EPHB1: variants seen among roughly 807,000 people sequenced by gnomAD.
EPHB1 encodes the protein EPH receptor B1.
A neutral mutation model predicts 94.4 loss-of-function variants in EPHB1; 30 were observed. The observed-to-expected ratio is 0.32, with a 90% confidence interval of 0.24 to 0.43. The LOEUF (loss-of-function observed/expected upper bound fraction) is 0.43, where lower values mean the gene tolerates loss of function less well. Ranked by LOEUF, EPHB1 falls within the 20% of genes least tolerant of loss-of-function variation. The pLI is 1.00. For synonymous variants in EPHB1, 522 were observed against 489.1 expected (o/e 1.07, Z -0.89); for missense variants, 1,055 against 1,308.3 (o/e 0.81, Z 2.99).
At chr3:134,839,859 TA>T (rs1359709224) in intron 1 of EPHB1, among the ~76,000 whole-genome samples, 1 of 152,098 alleles carries the variant, frequency 6.6e-6, no homozygotes, top group African/African-American at 2.4e-5. Flanking sequence ...ACCATTTGTT[TA>T]ATAAACAAGT....
At chr3:135,144,144 A>C (rs891097997) in intron 5 of EPHB1, among the ~76,000 whole-genome samples, 5 of 152,096 alleles carry the variant, frequency 3.3e-5, no homozygotes, top group African/African-American at 1.2e-4. Context: ...GTGGGGAGGG[A>C]GCCCTACACT....
rs151250525 is a variant in EPHB1 at position 134,942,454 on chromosome 3, G to A, written c.124-8917G>A. Among the ~76,000 whole-genome samples the A allele has an allele frequency of 2.7e-4, 41 of 152,308 alleles. No homozygotes were observed. In the East Asian group the frequency reaches 6.8e-3, roughly 25 times the overall value. ...GGGGGTTAACCTCCTATGATGAGGAGCAAAACAAAACAAAATGGAGAGGGC... is the reference window on the plus strand; with the variant it reads ...GGGGGTTAACCTCCTATGATGAGGAACAAAACAAAACAAAATGGAGAGGGC... On this transcript the variant is annotated intron_variant, in intron 2 of 15. Transcript: ENST00000398015.
chr3:134,998,298 C>T (rs1321614240), intron 3 of EPHB1, among the ~76,000 whole-genome samples: 3 of 152,208 alleles, frequency 2.0e-5, no homozygotes, highest in Non-Finnish European at 4.4e-5. Context: ...CCTTGGGTAG[C>T]TATGCTGTGT....
chr3:135,153,173 A>G (rs1199955436), intron 5 of EPHB1, among the ~76,000 whole-genome samples: 1 of 152,272 alleles, frequency 6.6e-6, no homozygotes, highest in Non-Finnish European at 1.5e-5. Flanking sequence ...AATTGAGGAT[A>G]GTAAATGTCA....
chr3:135,077,692 T>A (rs1395153489), intron 3 of EPHB1, among the ~76,000 whole-genome samples: 1 of 152,162 alleles, frequency 6.6e-6, no homozygotes, highest in African/African-American at 2.4e-5. Flanking sequence ...GATGCATACA[T>A]GGCACATCCT....
chr3:135,231,821 T>C (rs1344003959), intron 12 of EPHB1, among the ~76,000 whole-genome samples: 2 of 152,190 alleles, frequency 1.3e-5, no homozygotes, highest in Non-Finnish European at 2.9e-5. Flanking sequence ...GAGACCATCC[T>C]CTCCAAAAGC....
chr3:134,883,043 C>T (rs1201736402), intron 1 of EPHB1, among the ~76,000 whole-genome samples: 1 of 152,002 alleles, frequency 6.6e-6, no homozygotes, highest in Non-Finnish European at 1.5e-5. Context: ...AGGATGGTCT[C>T]GATCTCCTGA....
At chr3:135,192,525 G>A (rs1320223034) in intron 10 of EPHB1, 51 bp from the exon 11 acceptor site, 1 of 1,595,250 alleles carries the variant, frequency 6.3e-7, no homozygotes. Context: ...TCCCTCTTGA[G>A]TCCACAGACT....
At chr3:135,052,269 T>A (rs931568252) in intron 3 of EPHB1, among the ~76,000 whole-genome samples, 6 of 152,162 alleles carry the variant, frequency 3.9e-5, no homozygotes, top group African/African-American at 1.4e-4. Flanking sequence ...TTCTGGTGTG[T>A]GTCGATTGAA....
At chr3:134,999,942 T>C (rs910317869) in intron 3 of EPHB1, among the ~76,000 whole-genome samples, 1 of 152,250 alleles carries the variant, frequency 6.6e-6, no homozygotes. Context: ...TCCATACTTC[T>C]GTCTCCAAAG....
At chr3:134,810,348 C>A (rs1407012217) in intron 1 of EPHB1, among the ~76,000 whole-genome samples, 1 of 149,212 alleles carries the variant, frequency 6.7e-6, no homozygotes, top group Non-Finnish European at 1.5e-5. Context: ...TGACACTGGA[C>A]CATTTAGCAA....
intron 1 of EPHB1, among the ~76,000 whole-genome samples, chr3:134,807,225 A>G (rs1336389647): frequency 6.6e-6 from 1 of 152,206 alleles, no homozygotes; most frequent in African/African-American, 2.4e-5. Context: ...CACCAGTGTC[A>G]CAAGTACTCA....
chr3:135,108,925 G>T (rs1939331710), intron 4 of EPHB1, among the ~76,000 whole-genome samples: 1 of 152,140 alleles, frequency 6.6e-6, no homozygotes, highest in Admixed American at 6.5e-5. Context: ...CAGGACAGTG[G>T]GAATCACCTT....
At chr3:134,954,270 G>A (rs967098817) in intron 3 of EPHB1, among the ~76,000 whole-genome samples, 1 of 152,212 alleles carries the variant, frequency 6.6e-6, no homozygotes, top group Non-Finnish European at 1.5e-5. Flanking sequence ...TGGCTGGCAA[G>A]GGGACCTTCG....
intron 3 of EPHB1, among the ~76,000 whole-genome samples, chr3:135,061,550 CT>C (rs1937510360): frequency 6.6e-6 from 1 of 151,922 alleles, no homozygotes; most frequent in African/African-American, 2.4e-5. Flanking sequence ...TAATTCATTC[CT>C]TTTTTATGGC....
intron 15 of EPHB1, among the ~76,000 whole-genome samples, chr3:135,258,175 C>A (rs1328437094): frequency 6.6e-6 from 1 of 152,214 alleles, no homozygotes. Flanking sequence ...TTCTGCGTCG[C>A]TCACGCTGGG....
intron 3 of EPHB1, among the ~76,000 whole-genome samples, chr3:135,047,602 G>A (rs1470238929): frequency 6.6e-6 from 1 of 152,204 alleles, no homozygotes; most frequent in Non-Finnish European, 1.5e-5. Flanking sequence ...CCCCGAGGCT[G>A]TGTGCTTTCT....
In EPHB1 at chr3:135,174,365, G is replaced by A. The variant is rs1259252426; in HGVS notation, c.1760-5495G>A. Among the ~76,000 whole-genome samples the A allele has an allele frequency of 7.9e-5, 12 of 152,146 alleles. No homozygotes were observed. The East Asian group carries it at 1.7e-3, about 22-fold the overall frequency. On this transcript the variant is annotated intron_variant, in intron 9 of 15. Transcript: ENST00000398015. ...CAGGCCTCAGTTAGCTGTGGCTCAC[G>A]ACACTCCAGGCTCCTCTTTTTCCAG...
At chr3:135,047,481 T>C (rs1272606549) in intron 3 of EPHB1, among the ~76,000 whole-genome samples, 1 of 152,134 alleles carries the variant, frequency 6.6e-6, no homozygotes, top group Non-Finnish European at 1.5e-5. Context: ...TGGAAAAGCA[T>C]CGAACTGCAC....
Sources: allele counts gnomAD v4.1 joint callset (sites outside exome capture counted in the v4.1 genomes callset), GRCh38; gene constraint gnomAD v4.1.1; transcripts MANE v1.5; gene names NCBI Gene and HGNC (gene_info 2026-07-23, HGNC 2026-07-21).